Variants in YWHAQ observed in about 807,000 individuals in gnomAD.
YWHAQ encodes 14-3-3 protein theta.
Under a neutral mutation model 28.3 loss-of-function variants are expected in YWHAQ, and 6 were observed. The ratio of observed to expected loss-of-function variants is 0.21; its 90% CI spans 0.12 to 0.42. The LOEUF is 0.42. Among genes scored for constraint, YWHAQ ranks in the 10% least tolerant of loss-of-function variants. The probability of loss-of-function intolerance (pLI) is 1.00; values close to 1 mark genes in which losing one functional copy is unlikely to be tolerated. For synonymous variants in YWHAQ, 143 were observed against 119.1 expected (o/e 1.20, Z -1.31); for missense variants, 201 against 305.6 (o/e 0.66, Z 2.55).
chr2:9,614,574 A>C (rs796942418), intron 2 of YWHAQ, among the ~76,000 whole-genome samples: 1 of 152,368 alleles, frequency 6.6e-6, no homozygotes, highest in African/African-American at 2.4e-5. Flanking sequence ...ATGTTGCATT[A>C]AACAAAAATA....
In YWHAQ at chr2:9,584,324, T is replaced by C. The variant is rs2125060590; in HGVS notation, c.*962A>G. ...CTCTGCTGTTACATAGGGCATAACATTTTCACAAGGCTTTTTTGGGACTAC... is the reference window on the plus strand; with the variant it reads ...CTCTGCTGTTACATAGGGCATAACACTTTCACAAGGCTTTTTTGGGACTAC... On this transcript the variant is annotated 3_prime_UTR_variant, in exon 6 of 6. Transcript: ENST00000238081. 1 of 152,754 alleles carries C rather than the reference T, an allele frequency of 6.5e-6. No homozygotes were observed. The highest frequency in any genetic ancestry group is 2.4e-5 in the African/African-American group (1 of 41,564). 9.5% of individuals were successfully genotyped at this position (152,754 alleles called of 1,614,324 possible). A position where few individuals can be genotyped will look rare whatever the true frequency, so the allele number is the denominator to read the frequency against.
intron 2 of YWHAQ, among the ~76,000 whole-genome samples, chr2:9,622,327 A>G (rs949868220): frequency 6.6e-6 from 1 of 152,186 alleles, no homozygotes; most frequent in African/African-American, 2.4e-5. Flanking sequence ...ATGGAATCAC[A>G]TACACTATGT....
intron 2 of YWHAQ, among the ~76,000 whole-genome samples, chr2:9,619,485 T>C (rs1667097747): frequency 6.6e-6 from 1 of 152,048 alleles, no homozygotes; most frequent in African/African-American, 2.4e-5. Context: ...GAGGCAGAGG[T>C]TGCAGTGAAC....
intron 2 of YWHAQ, among the ~76,000 whole-genome samples, chr2:9,597,629 C>T (rs1352918489): frequency 1.5e-4 from 18 of 118,500 alleles, no homozygotes; most frequent in African/African-American, 2.7e-4. Context: ...AGCGAAACTC[C>T]GTCTCAAAAA....
intron 2 of YWHAQ, among the ~76,000 whole-genome samples, chr2:9,609,658 G>A: frequency 6.6e-6 from 1 of 152,088 alleles, no homozygotes. Context: ...AAAGCAACCA[G>A]AGAAATGACA....
intron 2 of YWHAQ, among the ~76,000 whole-genome samples, chr2:9,606,026 A>G (rs539193401): frequency 1.8e-4 from 28 of 152,272 alleles, no homozygotes; most frequent in South Asian, 6.2e-4. Context: ...CATTCTATAT[A>G]TAACACTATA....
chr2:9,609,141 A>G (rs1666894877), intron 2 of YWHAQ, among the ~76,000 whole-genome samples: 1 of 152,198 alleles, frequency 6.6e-6, no homozygotes, highest in Non-Finnish European at 1.5e-5. Context: ...TTACTACAGG[A>G]TTTTCTTCAC....
Position 9,587,615 on chromosome 2 carries a change from C to A in YWHAQ, c.583-106G>T, listed in dbSNP as rs1666371306. The A allele has an allele frequency of 3.3e-6, 3 of 918,296 alleles. No homozygotes were observed. The Admixed American group carries it at 8.3e-5, about 25-fold the overall frequency. 56.9% of individuals were successfully genotyped at this position (918,296 alleles called of 1,614,324 possible). ...AATAAGTGAACACCCACCTTATGTTCTACCATCAACAAACTCAACAGAACC... is the reference window on the plus strand; with the variant it reads ...AATAAGTGAACACCCACCTTATGTTATACCATCAACAAACTCAACAGAACC... On this transcript the variant is annotated intron_variant, in intron 4 of 5. Coordinates refer to ENST00000238081, the MANE Select transcript of YWHAQ (RefSeq NM_006826.4).
At chr2:9,605,516 C>G (rs552472277) in intron 2 of YWHAQ, among the ~76,000 whole-genome samples, 1 of 152,108 alleles carries the variant, frequency 6.6e-6, no homozygotes, top group Non-Finnish European at 1.5e-5. Flanking sequence ...TTGTCCCCTG[C>G]CCAAGGCAGC....
chr2:9,610,728 G>C (rs780575241), intron 2 of YWHAQ, among the ~76,000 whole-genome samples: 1 of 152,038 alleles, frequency 6.6e-6, no homozygotes, highest in East Asian at 1.9e-4. Context: ...GGCTGGTCTC[G>C]AACTCCCAAC....
Position 9,610,335 on chromosome 2 carries a change from A to T in YWHAQ, c.295-18820T>A, listed in dbSNP as rs116459371. Among the ~76,000 whole-genome samples, 737 of 152,288 alleles carry T rather than the reference A, an allele frequency of 4.8e-3. 10 individuals are homozygous for T. The highest frequency in any genetic ancestry group is 0.017 in the African/African-American group (689 of 41,542). On this transcript the variant is annotated intron_variant, in intron 2 of 5. Transcript: ENST00000238081. ...CAGTTTCTTCATCTGTAAAACAGTT[A>T]CTGACAGTTCTTAATTCATAGGGTT...
chr2:9,630,182 T>C lies in YWHAQ; in HGVS notation c.271A>G (p.Arg91Gly). Reference sequence around the variant, plus strand: ...ACCAGCACCGTGGTGCAGATGGATCTCAGCTCGGACTCCACTTTCTCCCGA... The same window carrying C: ...ACCAGCACCGTGGTGCAGATGGATCCCAGCTCGGACTCCACTTTCTCCCGA... Reference protein sequence around the residue: ...DYREKVESELRSICTTVLELL... With the variant: ...DYREKVESELGSICTTVLELL... The change falls in exon 2 of 6, where the codon AGA (arginine) becomes GGA (glycine). Residue 91 changes from arginine (R) to glycine (G), a missense_variant. By Grantham distance (125) the Arg-to-Gly change is moderately radical (BLOSUM62 -2). Around this residue, in one of 2 missense-constraint regions of YWHAQ, gnomAD observed 162 missense variants for 213.9 expected, o/e 0.76. Transcript: ENST00000238081. The surrounding 1 kb of genome is among the most constrained non-coding windows in gnomAD (Gnocchi z 5.6). 6.2e-7 allele frequency: 1 copy of C among 1,613,748 alleles called. No individual in the cohort carries two copies. The highest frequency in any genetic ancestry group is 2.2e-5 in the East Asian group (1 of 44,876).
chr2:9,626,726 C>A (rs1372145018), intron 2 of YWHAQ, among the ~76,000 whole-genome samples: 3 of 152,238 alleles, frequency 2.0e-5, no homozygotes, highest in Non-Finnish European at 4.4e-5. Flanking sequence ...CCACCACATC[C>A]AGCCAAAGCC....
chr2:9,603,838 T>A (rs561034570), intron 2 of YWHAQ, among the ~76,000 whole-genome samples: 3 of 151,980 alleles, frequency 2.0e-5, no homozygotes, highest in East Asian at 2.0e-4. Context: ...GGCAAGGGAA[T>A]CTCTTTAACC....
chr2:9,623,436 T>C (rs1340475072), intron 2 of YWHAQ, among the ~76,000 whole-genome samples: 3 of 152,194 alleles, frequency 2.0e-5, no homozygotes, highest in East Asian at 1.9e-4. Flanking sequence ...TTCCCAGGGG[T>C]TGTTTGGAGA....
chr2:9,629,780 CT>C (rs1276587867), intron 2 of YWHAQ, among the ~76,000 whole-genome samples: 1 of 152,184 alleles, frequency 6.6e-6, no homozygotes, highest in East Asian at 1.9e-4. Context: ...GTGCCTGCGC[CT>C]TCTTTCAACT....
At chr2:9,593,976 AACACACACAC>A (rs371022884) in intron 2 of YWHAQ, among the ~76,000 whole-genome samples, 8 of 145,784 alleles carry the variant, frequency 5.5e-5, no homozygotes, top group East Asian at 2.0e-4. Flanking sequence ...AGGAAGTTAA[AACACACACAC>A]ACACACACAC....
rs780100582 is a variant in YWHAQ at position 9,585,273 on chromosome 2, A to G, written c.*13T>C. 1.9e-6 allele frequency: 3 copies of G among 1,613,982 alleles called. No homozygotes were observed. On this transcript the variant is annotated 3_prime_UTR_variant, in exon 6 of 6. Coordinates refer to ENST00000238081, the MANE Select transcript of YWHAQ (RefSeq NM_006826.4). ...GTTTCTTGAAGGAAAGAAGGATGAC[A>G]CCCTGTATGGATTTAGTTTTCAGCC...
At chr2:9,619,051 A>G (rs1018101477) in intron 2 of YWHAQ, among the ~76,000 whole-genome samples, 4 of 152,216 alleles carry the variant, frequency 2.6e-5, no homozygotes, top group Admixed American at 2.6e-4. Flanking sequence ...TAATCTTAGT[A>G]GGTCCTTTAA....
Sources: allele counts gnomAD v4.1 joint callset (sites outside exome capture counted in the v4.1 genomes callset), GRCh38; gene constraint gnomAD v4.1.1; regional missense constraint gnomAD v4.1.1; non-coding constraint Gnocchi (gnomAD v3.1); transcripts MANE v1.5; gene names NCBI Gene and HGNC (gene_info 2026-07-23, HGNC 2026-07-21).